The following C6orf89 variants were observed in gnomAD, a reference collection of about 807,000 sequenced individuals.
C6orf89 encodes the protein chromosome 6 open reading frame 89.
A neutral mutation model predicts 40.7 loss-of-function variants in C6orf89; 29 were observed. The observed-to-expected ratio is 0.71, with a 90% CI of 0.53 to 0.97. The LOEUF (loss-of-function observed/expected upper bound fraction) is 0.97. C6orf89 is among the 50% of genes least tolerant of loss of function. The probability of loss-of-function intolerance (pLI) is 0.00; values close to 1 mark genes in which losing one functional copy is unlikely to be tolerated. For missense variants in C6orf89, 392 were observed against 429.1 expected (o/e 0.91, Z 0.76); for synonymous variants, 165 against 152.2 (o/e 1.08, Z -0.62).
intron 2 of C6orf89, among the ~76,000 whole-genome samples, chr6:36,897,129 CAAAAAAAAAAAA>C (rs34191608): frequency 3.5e-5 from 3 of 85,396 alleles, no homozygotes; most frequent in Non-Finnish European, 6.9e-5. Flanking sequence ...GACTCTGTCT[CAAAAAAAAAAAA>C]AAAAAAAAAA....
At position 36,902,288 on chromosome 6, in the gene C6orf89, C is replaced by T. The variant is rs1761753873; in HGVS notation, c.257C>T (p.Ala86Val). 6.2e-7 allele frequency: 1 copy of T among 1,614,186 alleles called. No homozygotes were observed. Among genetic ancestry groups the T allele is most frequent in the Non-Finnish European group, 8.5e-7 (1 of 1,180,044 alleles). The change falls in exon 4 of 9, where the codon GCA (alanine) becomes GTA (valine). Residue 86 changes from alanine (A) to valine (V), a missense_variant. Transcript: ENST00000480824. The part of the protein sequence containing the change: ...YFVIQPFSPL[A>V]PEPVLSGAHT... ...GTGATTCAACCTTTCAGCCCATTAG[C>T]ACCTGAGCCAGTGCTTTCTGGAGCT...
At chr6:36,872,975 T>A (rs1359430016) in intron 1 of C6orf89, among the ~76,000 whole-genome samples, 1 of 152,202 alleles carries the variant, frequency 6.6e-6, no homozygotes, top group Non-Finnish European at 1.5e-5. Context: ...GTAAACACTC[T>A]ATAAGTATAT....
chr6:36,885,884 G>T, upstream of C6orf89: 1 of 631,570 alleles, frequency 1.6e-6, no homozygotes, highest in South Asian at 7.1e-5. Context: ...ACGAGAGGAG[G>T]AATTACTCTA....
At chr6:36,911,240 A>T (rs1268246555) in intron 4 of C6orf89, among the ~76,000 whole-genome samples, 1 of 152,246 alleles carries the variant, frequency 6.6e-6, no homozygotes, top group Non-Finnish European at 1.5e-5. Context: ...CTGTAATCCC[A>T]GCACTTTGCA....
At chr6:36,879,993 T>G (rs1774760953) in intron 2 of C6orf89, among the ~76,000 whole-genome samples, 1 of 152,252 alleles carries the variant, frequency 6.6e-6, no homozygotes, top group Non-Finnish European at 1.5e-5. Context: ...CCTTTCACAC[T>G]GGCGGTTCCA....
intron 4 of C6orf89, among the ~76,000 whole-genome samples, chr6:36,905,637 T>G (rs183983512): frequency 8.5e-5 from 13 of 152,328 alleles, no homozygotes; most frequent in Admixed American, 2.6e-4. Flanking sequence ...GACTTAATCC[T>G]TCCTCTTACT....
At chr6:36,887,911 A>ACAGG in intron 1 of C6orf89, among the ~76,000 whole-genome samples, 1 of 152,126 alleles carries the variant, frequency 6.6e-6, no homozygotes, top group Non-Finnish European at 1.5e-5. Context: ...TTTTGTAGAT[A>ACAGG]CAGGGTCTTG....
intron 1 of C6orf89, among the ~76,000 whole-genome samples, chr6:36,878,137 T>C (rs1774708758): frequency 6.6e-6 from 1 of 152,230 alleles, no homozygotes; most frequent in African/African-American, 2.4e-5. Flanking sequence ...TTTTTCTATA[T>C]GGATATACAA....
At chr6:36,885,936 T>G, upstream of C6orf89, 1 of 1,199,206 alleles carries the variant, frequency 8.3e-7, no homozygotes, top group South Asian at 2.8e-5. Context: ...TGCTTCCGGG[T>G]CGCGCTCCCG....
chr6:36,898,478 C>T (rs890806636), intron 2 of C6orf89, among the ~76,000 whole-genome samples: 4 of 151,730 alleles, frequency 2.6e-5, no homozygotes, highest in African/African-American at 4.8e-5. Context: ...GGGGTTTCTC[C>T]GTGTTGGTCA....
intron 4 of C6orf89, among the ~76,000 whole-genome samples, chr6:36,903,956 C>A (rs7762601): frequency 0.091 from 13,600 of 148,868 alleles, 765 homozygotes; most frequent in Admixed American, 0.13. Context: ...ACCAACAGAG[C>A]TAAAAAAAAA....
chr6:36,889,211 T>C (rs2150678519), intron 1 of C6orf89, among the ~76,000 whole-genome samples: 1 of 152,274 alleles, frequency 6.6e-6, no homozygotes, highest in East Asian at 1.9e-4. Flanking sequence ...CAGCAGCTGC[T>C]GCAGAGAGGT....
intron 4 of C6orf89, among the ~76,000 whole-genome samples, chr6:36,911,676 G>A (rs1762129614): frequency 6.6e-6 from 1 of 151,948 alleles, no homozygotes; most frequent in South Asian, 2.1e-4. Context: ...TGATTCTGTT[G>A]GAATATGACA....
At chr6:36,918,761 C>T (rs1762410764) in intron 7 of C6orf89, among the ~76,000 whole-genome samples, 1 of 152,240 alleles carries the variant, frequency 6.6e-6, no homozygotes, top group African/African-American at 2.4e-5. Flanking sequence ...ACCCATCTCT[C>T]TCTTTATCCC....
chr6:36,923,659 C>A lies in C6orf89; in HGVS notation c.*218C>A. 5.2e-6 allele frequency: 3 copies of A among 573,982 alleles called. No individual in the cohort carries two copies. The highest frequency in any genetic ancestry group is 9.9e-6 in the Non-Finnish European group (3 of 304,130). The allele number at this position is 573,982 out of a possible 1,614,324, so 35.6% of individuals were successfully genotyped here. ...GTGGCTCAGGAAGGATTCAGCCTGG[C>A]CACTTGGCTAGGACTCTGCCAGCAC... On this transcript the variant is annotated 3_prime_UTR_variant, in exon 9 of 9. Coordinates refer to ENST00000480824, the MANE Select transcript of C6orf89 (RefSeq NM_001286635.2).
intron 2 of C6orf89, among the ~76,000 whole-genome samples, chr6:36,880,198 A>G (rs560058519): frequency 6.6e-6 from 1 of 152,354 alleles, no homozygotes; most frequent in African/African-American, 2.4e-5. Context: ...ATTTAAAAGG[A>G]CTTTATTAAA....
At chr6:36,884,517 G>A (rs116113337), upstream of C6orf89, among the ~76,000 whole-genome samples, 71 of 152,238 alleles carry the variant, frequency 4.7e-4, no homozygotes, top group African/African-American at 1.5e-3. The surrounding 1 kb of genome is among the most constrained non-coding windows in gnomAD (Gnocchi z 4.0). Flanking sequence ...TCTCTACAAC[G>A]TCAAATGATC....
chr6:36,901,321 ATTTTTTTTT>A (rs60381134), intron 3 of C6orf89, among the ~76,000 whole-genome samples: 5 of 19,020 alleles, frequency 2.6e-4, no homozygotes, highest in African/African-American at 8.8e-4. Flanking sequence ...TATTATTATT[ATTTTTTTTT>A]TTTTTTTTTT....
chr6:36,899,781 A>G (rs1761594742), intron 3 of C6orf89, 148 bp downstream of exon 3: 4 of 702,368 alleles, frequency 5.7e-6, no homozygotes, highest in Admixed American at 2.6e-5. Flanking sequence ...ATGTGTTACT[A>G]GGAAATTTGA....
Sources: gnomAD v4.1 joint callset for allele counts (sites outside exome capture counted in the v4.1 genomes callset) on GRCh38, gnomAD v4.1.1 for gene constraint, Gnocchi (gnomAD v3.1) non-coding constraint, MANE v1.5 for transcripts, NCBI Gene and HGNC (gene_info 2026-07-23, HGNC 2026-07-21) for gene names.